Variants in CFAP20DC observed in about 807,000 individuals in gnomAD.
CFAP20DC encodes protein CFAP20DC.
Under a neutral mutation model 101.7 loss-of-function variants are expected in CFAP20DC, and 84 were observed. The ratio of observed to expected loss-of-function variants is 0.83; its 90% confidence interval spans 0.69 to 0.99. CFAP20DC has a LOEUF of 0.99. CFAP20DC is among the 50% of genes least tolerant of loss of function. CFAP20DC has a pLI of 0.00. For synonymous variants in CFAP20DC, 359 were observed against 351.2 expected (o/e 1.02, Z -0.25); for missense variants, 1,007 against 970.3 (o/e 1.04, Z -0.50).
At chr3:58,862,391 C>G (rs1462203009) in intron 12 of CFAP20DC, 1 of 985,236 alleles carries the variant, frequency 1.0e-6, no homozygotes, top group Non-Finnish European at 1.2e-6. Flanking sequence ...ACAAATGTGT[C>G]CAGCAGCAAC....
chr3:58,847,150 C>A (rs2077731762), intron 13 of CFAP20DC, among the ~76,000 whole-genome samples: 3 of 126,430 alleles, frequency 2.4e-5, no homozygotes, highest in Non-Finnish European at 3.3e-5. Context: ...GCAACAAAAG[C>A]CAAAATTGAC....
intron 14 of CFAP20DC, among the ~76,000 whole-genome samples, chr3:58,818,095 G>C (rs1260491074): frequency 1.4e-4 from 21 of 150,540 alleles, no homozygotes; most frequent in Non-Finnish European, 2.1e-4. Flanking sequence ...AATGCTGAGA[G>C]ATTTTGTCAC....
intron 4 of CFAP20DC, among the ~76,000 whole-genome samples, chr3:59,012,791 G>C (rs2093613343): frequency 6.6e-6 from 1 of 152,156 alleles, no homozygotes; most frequent in South Asian, 2.1e-4. Flanking sequence ...AATAAGACTT[G>C]AGAGATGAGA....
chr3:58,790,136 A>T (rs1156238975), intron 15 of CFAP20DC, among the ~76,000 whole-genome samples: 1 of 152,154 alleles, frequency 6.6e-6, no homozygotes, highest in Non-Finnish European at 1.5e-5. Flanking sequence ...CATAATCCCC[A>T]CCTGGGTCAA....
At chr3:58,825,705 C>G (rs1038742631) in intron 14 of CFAP20DC, among the ~76,000 whole-genome samples, 1 of 152,192 alleles carries the variant, frequency 6.6e-6, no homozygotes, top group African/African-American at 2.4e-5. Context: ...CTAACAGAAA[C>G]TCTCCAAAAT....
intron 4 of CFAP20DC, among the ~76,000 whole-genome samples, chr3:58,981,053 A>C (rs1698918061): frequency 6.6e-6 from 1 of 152,174 alleles, no homozygotes; most frequent in Admixed American, 6.5e-5. Flanking sequence ...GCATCCTTAT[A>C]CACCAATAAC....
At chr3:58,928,146 TA>T (rs1275646678) in intron 5 of CFAP20DC, among the ~76,000 whole-genome samples, 1 of 152,188 alleles carries the variant, frequency 6.6e-6, no homozygotes, top group Non-Finnish European at 1.5e-5. Context: ...CATGCACTAA[TA>T]GGGACTGGAG....
rs1326359216 is a variant in CFAP20DC at position 58,722,578 on chromosome 3, C to T, written c.198-4950G>A. ...GAGATGCCACCTTCAACTCAAAAGC[C>T]CAGCTCTCCCCTTCGACGCAGGGTC... On this transcript the variant is annotated intron_variant, in intron 3 of 3. Transcript: ENST00000486145. The surrounding 1 kb of genome is among the most constrained non-coding windows in gnomAD (Gnocchi z 4.5). Among the ~76,000 whole-genome samples, 1 of 152,142 alleles carries T rather than the reference C, an allele frequency of 6.6e-6. No individual in the cohort carries two copies. The highest frequency in any genetic ancestry group is 1.5e-5 in the Non-Finnish European group (1 of 68,018).
intron 4 of CFAP20DC, among the ~76,000 whole-genome samples, chr3:59,032,718 C>A (rs373113104): frequency 1.1e-3 from 167 of 152,312 alleles, no homozygotes; most frequent in Middle Eastern, 0.01. Context: ...ATAGATAAAA[C>A]CCCCATCTTC....
At chr3:59,003,384 C>T (rs2093358959) in intron 4 of CFAP20DC, among the ~76,000 whole-genome samples, 1 of 152,122 alleles carries the variant, frequency 6.6e-6, no homozygotes, top group East Asian at 1.9e-4. Flanking sequence ...AGATGTGCTT[C>T]AGAATAGCAA....
Position 58,894,068 on chromosome 3 carries a change from C to T in CFAP20DC, c.551-9359G>A, listed in dbSNP as rs999482216. On this transcript the variant is annotated intron_variant, in intron 6 of 16. Coordinates refer to ENST00000482387, the MANE Select transcript of CFAP20DC (RefSeq NM_001394063.1). The surrounding 1 kb of genome is among the most constrained non-coding windows in gnomAD (Gnocchi z 4.1). The stretch of plus-strand genomic sequence containing the variant: ...GAGAACAGCATGGGAAGTACCTGCC[C>T]CCATGATGCAATTACCTCCTACTGA... Among the ~76,000 whole-genome samples the T allele has an allele frequency of 2.6e-5, 4 of 152,080 alleles. No homozygotes were observed. The highest frequency in any genetic ancestry group is 9.7e-5 in the African/African-American group (4 of 41,418).
rs1576027298 is a variant in CFAP20DC, at chr3:58,867,946, C to T, written c.1016-10G>A. The stretch of plus-strand genomic sequence containing the variant: ...ATATGTAGATTGGCTGCTACATTTT[C>T]ATATCAAAGCACAAAAGCCAGAACA... On this transcript the variant is annotated splice_polypyrimidine_tract_variant and intron_variant, in intron 9 of 16. Coordinates refer to ENST00000482387, the MANE Select transcript of CFAP20DC (RefSeq NM_001394063.1). The T allele has an allele frequency of 6.3e-7, 1 of 1,597,518 alleles. No homozygotes were observed. Among genetic ancestry groups the T allele is most frequent in the Non-Finnish European group, 8.5e-7 (1 of 1,173,062 alleles).
At chr3:59,035,484 G>A (rs1209282977) in intron 4 of CFAP20DC, among the ~76,000 whole-genome samples, 1 of 151,978 alleles carries the variant, frequency 6.6e-6, no homozygotes, top group Non-Finnish European at 1.5e-5. Context: ...GAATCAAAAA[G>A]ACACAATAAA....
At chr3:58,876,105 A>G (rs1052869333) in intron 7 of CFAP20DC, among the ~76,000 whole-genome samples, 1 of 151,990 alleles carries the variant, frequency 6.6e-6, no homozygotes, top group Non-Finnish European at 1.5e-5. Flanking sequence ...GGTACACTTT[A>G]TTTTTCACAA....
At chr3:58,816,766 C>T (rs1417489911) in intron 14 of CFAP20DC, among the ~76,000 whole-genome samples, 3 of 152,278 alleles carry the variant, frequency 2.0e-5, no homozygotes, top group Middle Eastern at 3.4e-3. Context: ...AGCCAGGAAG[C>T]TCGAACTGGG....
chr3:58,857,429 A>C (rs2078925846), intron 12 of CFAP20DC, among the ~76,000 whole-genome samples: 1 of 152,180 alleles, frequency 6.6e-6, no homozygotes. Flanking sequence ...GAGTATGTAC[A>C]TGGACATTCA....
chr3:58,953,894 A>C (rs2090386017), intron 4 of CFAP20DC: 1 of 152,188 alleles, frequency 6.6e-6, no homozygotes. Context: ...TTTAAAAAAC[A>C]CCATATATGA....
intron 13 of CFAP20DC, among the ~76,000 whole-genome samples, chr3:58,848,012 T>G (rs1476749300): frequency 8.7e-6 from 1 of 115,136 alleles, no homozygotes; most frequent in African/African-American, 3.4e-5. Flanking sequence ...CTCTGGGGAC[T>G]GTTGTGGGGT....
At chr3:58,976,633 A>AT (rs1431842227) in intron 4 of CFAP20DC, among the ~76,000 whole-genome samples, 6 of 152,178 alleles carry the variant, frequency 3.9e-5, no homozygotes, top group Non-Finnish European at 8.8e-5. Flanking sequence ...TTCATTCAAC[A>AT]TCATTCCCTC....
Sources: allele counts gnomAD v4.1 joint callset (sites outside exome capture counted in the v4.1 genomes callset), GRCh38; gene constraint gnomAD v4.1.1; non-coding constraint Gnocchi (gnomAD v3.1); transcripts MANE v1.5; gene names NCBI Gene and HGNC (gene_info 2026-07-23, HGNC 2026-07-21).